The following CACHD1 variants were observed in gnomAD, a reference collection of about 807,000 sequenced individuals.
The protein encoded by CACHD1 is VWFA and cache domain-containing protein 1.
A neutral mutation model predicts 138.7 loss-of-function variants in CACHD1; 71 were observed. The observed-to-expected ratio is 0.51, with a 90% CI of 0.42 to 0.62. The LOEUF is 0.62. CACHD1 is among the 20% of genes least tolerant of loss of function. The pLI, the probability that CACHD1 is intolerant of heterozygous loss-of-function variation, is 0.00. For synonymous variants in CACHD1, 578 were observed against 591.5 expected, an observed-to-expected ratio of 0.98 and a Z score of 0.33; for missense variants, 1,389 against 1,625.3, an observed-to-expected ratio of 0.85 and a Z score of 2.50.
chr1:64,504,667 C>T (rs1646358183), intron 1 of CACHD1, among the ~76,000 whole-genome samples: 1 of 152,096 alleles, frequency 6.6e-6, no homozygotes, highest in Non-Finnish European at 1.5e-5. Flanking sequence ...AATATATCTT[C>T]CACTATGGTA....
chr1:64,529,562 T>A (rs1646565804), intron 1 of CACHD1, among the ~76,000 whole-genome samples: 2 of 152,218 alleles, frequency 1.3e-5, no homozygotes, highest in East Asian at 3.8e-4. Context: ...TAAAAGTTAT[T>A]ACTTATTGAA....
intron 2 of CACHD1, among the ~76,000 whole-genome samples, chr1:64,562,999 G>A (rs1015567356): frequency 3.9e-5 from 6 of 152,070 alleles, no homozygotes; most frequent in Non-Finnish European, 8.8e-5. Context: ...AGGAGTGTTT[G>A]TTTGTTTTAG....
intron 2 of CACHD1, among the ~76,000 whole-genome samples, chr1:64,573,670 T>G (rs2100517111): frequency 6.6e-6 from 1 of 152,292 alleles, no homozygotes; most frequent in South Asian, 2.1e-4. Context: ...GCATGTGACA[T>G]TAACATCTTT....
chr1:64,666,188 A>C, intron 16 of CACHD1, 21 bp downstream of exon 16: 1 of 1,438,990 alleles, frequency 6.9e-7, no homozygotes. Flanking sequence ...AACTAACTTT[A>C]TAGTCATTTC....
chr1:64,579,292 T>C (rs1176065848), intron 2 of CACHD1, among the ~76,000 whole-genome samples: 3 of 152,162 alleles, frequency 2.0e-5, no homozygotes, highest in Admixed American at 1.3e-4. Flanking sequence ...GTGGACCAGA[T>C]TGGAATATCT....
chr1:64,684,814 TG>T (rs1297735007), intron 26 of CACHD1, among the ~76,000 whole-genome samples: 3 of 152,148 alleles, frequency 2.0e-5, no homozygotes, highest in Non-Finnish European at 4.4e-5. Context: ...TTTTGTTTTT[TG>T]TTTTTTGTTT....
chr1:64,608,569 G>A (rs765804793), intron 4 of CACHD1, among the ~76,000 whole-genome samples: 2 of 152,188 alleles, frequency 1.3e-5, no homozygotes, highest in African/African-American at 2.4e-5. Flanking sequence ...TGGGTCGTGT[G>A]TCCATTCATC....
chr1:64,529,565 T>G (rs1646565846), intron 1 of CACHD1, among the ~76,000 whole-genome samples: 1 of 152,206 alleles, frequency 6.6e-6, no homozygotes, highest in African/African-American at 2.4e-5. Flanking sequence ...AAGTTATTAC[T>G]TATTGAACAC....
At chr1:64,515,691 G>C (rs889851713) in intron 1 of CACHD1, among the ~76,000 whole-genome samples, 3 of 152,308 alleles carry the variant, frequency 2.0e-5, no homozygotes, top group Admixed American at 1.3e-4. Flanking sequence ...CTGCCTGGGA[G>C]AGAGGGTAAT....
intron 21 of CACHD1, among the ~76,000 whole-genome samples, chr1:64,676,472 G>T (rs1649994612): frequency 6.6e-6 from 1 of 152,118 alleles, no homozygotes; most frequent in Non-Finnish European, 1.5e-5. Flanking sequence ...TATTGTGTGT[G>T]TATAATTGTT....
intron 1 of CACHD1, among the ~76,000 whole-genome samples, chr1:64,517,013 T>G (rs1365162008): frequency 6.6e-6 from 1 of 152,214 alleles, no homozygotes; most frequent in Non-Finnish European, 1.5e-5. Flanking sequence ...AGTTTTGTCA[T>G]GTAAATTGGG....
In CACHD1 at chr1:64,470,846, G is replaced by A; in HGVS notation, c.102G>A (p.Gly34=). 6.3e-7 allele frequency: 1 copy of A among 1,587,448 alleles called. No individual in the cohort carries two copies. The highest frequency in any genetic ancestry group is 8.5e-7 in the Non-Finnish European group (1 of 1,171,796). ...CLVACWLLGA[G]AEADFSILDE... ...TCGCGTGCTGGCTCCTGGGCGCCGG[G>A]GCCGAAGCCGACTTCTCCATCCTGG... Residue 34 remains glycine, a synonymous_variant, in exon 1 of 27, where the codon GGG becomes GGA. Coordinates refer to ENST00000651257, the MANE Select transcript of CACHD1 (RefSeq NM_020925.4). This position sits in a 1 kb window ranked among gnomAD's most constrained non-coding sequence, Gnocchi z 5.2.
At chr1:64,509,467 A>G (rs946557459) in intron 1 of CACHD1, among the ~76,000 whole-genome samples, 2 of 152,228 alleles carry the variant, frequency 1.3e-5, no homozygotes, top group Non-Finnish European at 2.9e-5. Flanking sequence ...TATTTGAATC[A>G]ACTAAAGATG....
intron 1 of CACHD1, among the ~76,000 whole-genome samples, chr1:64,487,873 A>G (rs897106832): frequency 2.6e-5 from 4 of 152,200 alleles, no homozygotes; most frequent in African/African-American, 7.2e-5. Context: ...GGAATTGTCC[A>G]TGCTGGTGGG....
At chr1:64,632,534 C>T (rs2100640826) in intron 5 of CACHD1, 65 bp from the exon 6 acceptor site, 1 of 1,556,500 alleles carries the variant, frequency 6.4e-7, no homozygotes, top group South Asian at 1.1e-5. Context: ...GTGTTCACAG[C>T]TGTGTTAAGT....
intron 7 of CACHD1, among the ~76,000 whole-genome samples, chr1:64,635,469 C>T (rs986371285): frequency 6.7e-5 from 10 of 150,040 alleles, no homozygotes; most frequent in Non-Finnish European, 1.5e-4. Flanking sequence ...CTGCAACCTC[C>T]ACCTCCCGGG....
intron 16 of CACHD1, among the ~76,000 whole-genome samples, chr1:64,670,785 A>C (rs573102806): frequency 2.6e-5 from 4 of 152,214 alleles, no homozygotes; most frequent in Non-Finnish European, 5.9e-5. Context: ...TAAAGTAGGT[A>C]CTATTATTGA....
At chr1:64,543,512 G>A (rs1453444388) in intron 1 of CACHD1, among the ~76,000 whole-genome samples, 2 of 151,258 alleles carry the variant, frequency 1.3e-5, no homozygotes, top group Non-Finnish European at 2.9e-5. Flanking sequence ...GGAATTCAAA[G>A]CTGCAGTGAG....
intron 10 of CACHD1, among the ~76,000 whole-genome samples, chr1:64,652,621 A>C (rs1011883918): frequency 6.6e-6 from 1 of 152,210 alleles, no homozygotes; most frequent in Non-Finnish European, 1.5e-5. Flanking sequence ...GAAATAATGC[A>C]GCCAACAAGC....
Sources: allele counts gnomAD v4.1 joint callset (sites outside exome capture counted in the v4.1 genomes callset), GRCh38; gene constraint gnomAD v4.1.1; non-coding constraint Gnocchi (gnomAD v3.1); transcripts MANE v1.5; gene names NCBI Gene and HGNC (gene_info 2026-07-23, HGNC 2026-07-21).